The following IL17C variants were observed in gnomAD, a reference collection of about 807,000 sequenced individuals.
IL17C encodes the protein interleukin-17C.
A neutral mutation model predicts 11.0 loss-of-function variants in IL17C; 13 were observed. That is an observed-to-expected ratio of 1.18 (90% CI 0.77 to 1.88). IL17C has a LOEUF of 1.88. IL17C is among the 40% of genes most tolerant of loss of function. The pLI, the probability that IL17C is intolerant of heterozygous loss-of-function variation, is 0.00. For missense variants in IL17C, 357 were observed against 278.2 expected (o/e 1.28, Z -2.01); for synonymous variants, 150 against 125.8 (o/e 1.19, Z -1.29).
chr16:88,639,228 C>T lies in IL17C; in HGVS notation c.254C>T (p.Thr85Met), dbSNP rs757622636. Residue 85 changes from threonine (T) to methionine (M), a missense_variant, in exon 2 of 3, where the codon ACG becomes ATG. Thr to Met is a moderately conservative substitution (Grantham distance 81). Transcript: ENST00000244241. This position sits in a 1 kb window ranked among gnomAD's most constrained non-coding sequence, Gnocchi z 5.1. ...HRGRHERPSA[T>M]TQCPVLRPEE... is the part of the protein sequence containing the mutation. ...GGGAGGCACGAGAGGCCCTCAGCTA[C>T]GACCCAGTGCCCGGTGCTGCGGCCG... 133 of 1,612,428 alleles carry T rather than the reference C, an allele frequency of 8.2e-5. No homozygotes were observed. Among genetic ancestry groups the T allele is most frequent in the Non-Finnish European group, 1.1e-4 (126 of 1,179,792 alleles).
Position 88,639,683 on chromosome 16 carries a change from C to G in IL17C, c.336-131C>G. ...CACCACATGTGAGCCCGACTGCACCCCAAGCCCGTGTGGCTCAGCCCTCGC... is the reference window on the plus strand; with the variant it reads ...CACCACATGTGAGCCCGACTGCACCGCAAGCCCGTGTGGCTCAGCCCTCGC... On this transcript the variant is annotated intron_variant, in intron 2 of 2. Coordinates refer to ENST00000244241, the MANE Select transcript of IL17C (RefSeq NM_013278.4). This position sits in a 1 kb window ranked among gnomAD's most constrained non-coding sequence, Gnocchi z 5.1. The G allele has an allele frequency of 2.6e-6, 3 of 1,161,664 alleles. No homozygotes were observed. The highest frequency in any genetic ancestry group is 1.6e-5 in the South Asian group (1 of 60,978). The allele number at this position is 1,161,664 out of a possible 1,614,324, so 72.0% of individuals were successfully genotyped here. A position where few individuals can be genotyped will look rare whatever the true frequency, so the allele number is the denominator to read the frequency against.
chr16:88,639,729 G>C lies in IL17C; in HGVS notation c.336-85G>C. 7.0e-7 allele frequency: 1 copy of C among 1,424,016 alleles called. No homozygotes were observed. Among genetic ancestry groups the C allele is most frequent in the Non-Finnish European group, 9.3e-7 (1 of 1,079,784 alleles). The allele number at this position is 1,424,016 out of a possible 1,614,324, so 88.2% of individuals were successfully genotyped here. ...CTCGCTGCCTCAGGTCCTATCCTGAGTACACGGAGAGGGGCCCTGAGGGGA... is the reference window on the plus strand; with the variant it reads ...CTCGCTGCCTCAGGTCCTATCCTGACTACACGGAGAGGGGCCCTGAGGGGA... On this transcript the variant is annotated intron_variant, in intron 2 of 2. Coordinates refer to ENST00000244241, the MANE Select transcript of IL17C (RefSeq NM_013278.4). The surrounding 1 kb of genome is among the most constrained non-coding windows in gnomAD (Gnocchi z 5.1).
In IL17C at chr16:88,639,889, A is replaced by T; in HGVS notation, c.411A>T (p.Ala137=). Residue 137 remains alanine (A), a synonymous_variant, in exon 3 of 3, where the codon GCA becomes GCT. Transcript: ENST00000244241. This position sits in a 1 kb window ranked among gnomAD's most constrained non-coding sequence, Gnocchi z 5.1. ...AECLCRGCID[A]RTGRETAALN... is the part of the protein sequence containing the mutation. ...GCCTGTGCAGAGGCTGTATCGATGCACGGACGGGCCGCGAGACAGCTGCGC... is the reference window on the plus strand; with the variant it reads ...GCCTGTGCAGAGGCTGTATCGATGCTCGGACGGGCCGCGAGACAGCTGCGC... 1 of 1,608,322 alleles carries T rather than the reference A, an allele frequency of 6.2e-7. No individual in the cohort carries two copies. The highest frequency in any genetic ancestry group is 2.2e-5 in the East Asian group (1 of 44,736).
chr16:88,639,790 C>G lies in IL17C; in HGVS notation c.336-24C>G. 1 of 1,516,758 alleles carries G rather than the reference C, an allele frequency of 6.6e-7. No individual in the cohort carries two copies. Among genetic ancestry groups the G allele is most frequent in the Non-Finnish European group, 8.9e-7 (1 of 1,128,554 alleles). 94.0% of individuals were successfully genotyped at this position (1,516,758 alleles called of 1,614,324 possible). A position where few individuals can be genotyped will look rare whatever the true frequency, so the allele number is the denominator to read the frequency against. On this transcript the variant is annotated intron_variant, in intron 2 of 2. Transcript: ENST00000244241. The surrounding 1 kb of genome is among the most constrained non-coding windows in gnomAD (Gnocchi z 5.1). ...CAGGAGGACAGGGTAGGGCCAGAGA[C>G]TCACTGTGCACCCCGTCCCGCAGTG...
Position 88,639,830 on chromosome 16 carries a change from G to C in IL17C, c.352G>C (p.Asp118His). The C allele has an allele frequency of 6.4e-7, 1 of 1,573,316 alleles. No homozygotes were observed. The highest frequency in any genetic ancestry group is 8.6e-7 in the Non-Finnish European group (1 of 1,160,302). ...GTCCCGCAGTGTGGACACGGATGAG[G>C]ACCGCTATCCACAGAAGCTGGCCTT... ...PWRYRVDTDEDRYPQKLAFAE... is the reference protein window; with the variant it reads ...PWRYRVDTDEHRYPQKLAFAE... Residue 118 changes from aspartate to histidine, a missense_variant, in exon 3 of 3, where the codon GAC becomes CAC. By Grantham distance (81) the Asp-to-His change is moderately conservative (BLOSUM62 -1). Coordinates refer to ENST00000244241, the MANE Select transcript of IL17C (RefSeq NM_013278.4). The surrounding 1 kb of genome is among the most constrained non-coding windows in gnomAD (Gnocchi z 5.1).
At position 88,638,619 on chromosome 16, in the gene IL17C, C is replaced by T; in HGVS notation, c.-23C>T. The T allele has an allele frequency of 2.5e-6, 4 of 1,612,352 alleles. No homozygotes were observed. The highest frequency in any genetic ancestry group is 1.8e-4 in the Middle Eastern group (1 of 5,604). On this transcript the variant is annotated 5_prime_UTR_variant, in exon 1 of 3. Transcript: ENST00000244241. ...CCAGGTGTGCAGGCCGCTCCAAGCCCAGCCTGCCCCGCTGCCGCCACCATG... is the reference window on the plus strand; with the variant it reads ...CCAGGTGTGCAGGCCGCTCCAAGCCTAGCCTGCCCCGCTGCCGCCACCATG...
chr16:88,639,416 G>GCCAC lies in IL17C; in HGVS notation c.335+107_335+108insCCAC. 1 of 1,147,504 alleles carries GCCAC rather than the reference G, an allele frequency of 8.7e-7. No individual in the cohort carries two copies. Among genetic ancestry groups the GCCAC allele is most frequent in the Non-Finnish European group, 1.2e-6 (1 of 837,286 alleles). 71.1% of individuals were successfully genotyped at this position (1,147,504 alleles called of 1,614,324 possible). ...CTTGGTGGTTCTCACCTGTCAAGTG[G>GCCAC]GCGTGGCCACCTGAGCTCCCTCCCT... On this transcript the variant is annotated intron_variant, in intron 2 of 2. Transcript: ENST00000244241. The surrounding 1 kb of genome is among the most constrained non-coding windows in gnomAD (Gnocchi z 5.1).
chr16:88,639,149 G>A lies in IL17C; in HGVS notation c.175G>A (p.Gly59Arg), dbSNP rs767994930. The A allele has an allele frequency of 5.0e-6, 8 of 1,612,934 alleles. No homozygotes were observed. In the South Asian group the frequency reaches 7.7e-5, roughly 15 times the overall value. The change falls in exon 2 of 3, where the codon GGG becomes AGG. Residue 59 changes from glycine (G) to arginine (R), a missense_variant. Gly to Arg is a moderately radical substitution (Grantham distance 125). Transcript: ENST00000244241. This position sits in a 1 kb window ranked among gnomAD's most constrained non-coding sequence, Gnocchi z 5.1. ...CCTGCTGGCTCGAGGTGCCAAGTGG[G>A]GGCAGGCTTTGCCTGTAGCCCTGGT... is the stretch of plus-strand genomic sequence containing the variant. Reference protein sequence around the residue: ...PHLLARGAKWGQALPVALVSS... With the variant: ...PHLLARGAKWRQALPVALVSS...
Position 88,638,651 on chromosome 16 carries a change from A to G in IL17C, c.6+4A>G. 6.2e-7 allele frequency: 1 copy of G among 1,612,898 alleles called. No homozygotes were observed. Among genetic ancestry groups the G allele is most frequent in the Non-Finnish European group, 8.5e-7 (1 of 1,180,000 alleles). On this transcript the variant is annotated splice_donor_region_variant and intron_variant, in intron 1 of 2. Transcript: ENST00000244241. ...CCCCGCTGCCGCCACCATGACGGTG[A>G]GCCTCTCCACATGCCGCTCGGATGG...
At position 88,640,098 on chromosome 16, in the gene IL17C, C is replaced by G; in HGVS notation, c.*26C>G. The G allele has an allele frequency of 6.5e-7, 1 of 1,527,176 alleles. No individual in the cohort carries two copies. Among genetic ancestry groups the G allele is most frequent in the Middle Eastern group, 2.1e-4 (1 of 4,752 alleles). The allele number at this position is 1,527,176 out of a possible 1,614,324, so 94.6% of individuals were successfully genotyped here. A position where few individuals can be genotyped will look rare whatever the true frequency, so the allele number is the denominator to read the frequency against. ...CCGCCGAGGCCGTGGGGCCCCTAGA[C>G]TGGACACGTGTGCTCCCCAGAGGGC... On this transcript the variant is annotated 3_prime_UTR_variant, in exon 3 of 3. Coordinates refer to ENST00000244241, the MANE Select transcript of IL17C (RefSeq NM_013278.4).
chr16:88,639,057 C>T lies in IL17C; in HGVS notation c.83C>T (p.Pro28Leu), dbSNP rs370277999. ...CATGACCCCTCCCTCAGGGGGCACC[C>T]CCACAGTCACGGTACCCCACACTGC... ...AHHDPSLRGHPHSHGTPHCYS... is the reference protein window; with the variant it reads ...AHHDPSLRGHLHSHGTPHCYS... The change falls in exon 2 of 3, where the codon CCC becomes CTC. Residue 28 changes from proline (P) to leucine (L), a missense_variant. Pro to Leu is a moderately conservative substitution (Grantham distance 98, BLOSUM62 -3). Transcript: ENST00000244241. The surrounding 1 kb of genome is among the most constrained non-coding windows in gnomAD (Gnocchi z 5.1). 1.9e-6 allele frequency: 3 copies of T among 1,611,494 alleles called. No individual in the cohort carries two copies. The highest frequency in any genetic ancestry group is 1.1e-5 in the South Asian group (1 of 90,892).
chr16:88,640,126 C>T lies in IL17C; in HGVS notation c.*54C>T. 6.7e-7 allele frequency: 1 copy of T among 1,498,580 alleles called. No homozygotes were observed. Among genetic ancestry groups the T allele is most frequent in the Non-Finnish European group, 8.9e-7 (1 of 1,123,188 alleles). The allele number at this position is 1,498,580 out of a possible 1,614,324, so 92.8% of individuals were successfully genotyped here. A position where few individuals can be genotyped will look rare whatever the true frequency, so the allele number is the denominator to read the frequency against. On this transcript the variant is annotated 3_prime_UTR_variant, in exon 3 of 3. Transcript: ENST00000244241. ...GACACGTGTGCTCCCCAGAGGGCAC[C>T]CCCTATTTATGTGTATTTATTGTTA... is the stretch of plus-strand genomic sequence containing the variant.
chr16:88,639,235 G>A lies in IL17C; in HGVS notation c.261G>A (p.Gln87=), dbSNP rs765424209. ...ACGAGAGGCCCTCAGCTACGACCCA[G>A]TGCCCGGTGCTGCGGCCGGAGGAGG... ...GRHERPSATT[Q]CPVLRPEEVL... Residue 87 remains glutamine, a synonymous_variant, in exon 2 of 3, where the codon CAG becomes CAA. Coordinates refer to ENST00000244241, the MANE Select transcript of IL17C (RefSeq NM_013278.4). This position sits in a 1 kb window ranked among gnomAD's most constrained non-coding sequence, Gnocchi z 5.1. The A allele has an allele frequency of 5.0e-6, 8 of 1,612,418 alleles. No homozygotes were observed. The highest frequency in any genetic ancestry group is 1.3e-5 in the African/African-American group (1 of 74,936).
chr16:88,640,067 G>A lies in IL17C; in HGVS notation c.589G>A (p.Val197Met). The A allele has an allele frequency of 1.3e-6, 2 of 1,550,560 alleles. No homozygotes were observed. The highest frequency in any genetic ancestry group is 1.7e-6 in the Non-Finnish European group (2 of 1,146,028). ...VGCTCVLPRS[V>M] ...CTGCACCTGCGTGCTGCCCCGTTCA[G>A]TGTGACCGCCGAGGCCGTGGGGCCC... The change falls in exon 3 of 3, where the codon GTG (valine) becomes ATG (methionine). Residue 197 changes from valine to methionine, a missense_variant. Coordinates refer to ENST00000244241, the MANE Select transcript of IL17C (RefSeq NM_013278.4).
At position 88,639,113 on chromosome 16, in the gene IL17C, GC is replaced by G. The variant is rs773521874; in HGVS notation, c.146del (p.Pro49HisfsTer16). ...GGCTGAGGAACTGCCCCTCGGCCAG[GC>G]CCCCCCACACCTGCTGGCTCGAGGT... ...YSAEELPLGQ[A>X]PPHLLARGAK... On this transcript the variant is annotated frameshift_variant, in exon 2 of 3. Transcript: ENST00000244241. This position sits in a 1 kb window ranked among gnomAD's most constrained non-coding sequence, Gnocchi z 5.1. 2.5e-6 allele frequency: 4 copies of G among 1,612,838 alleles called. No homozygotes were observed. Among genetic ancestry groups the G allele is most frequent in the African/African-American group, 2.7e-5 (2 of 74,906 alleles).
At position 88,638,778 on chromosome 16, in the gene IL17C, A is replaced by G. The variant is rs973771243; in HGVS notation, c.6+131A>G. 7.1e-6 allele frequency: 10 copies of G among 1,411,488 alleles called. No individual in the cohort carries two copies. In the South Asian group the frequency reaches 1.2e-4, roughly 16 times the overall value. 87.4% of individuals were successfully genotyped at this position (1,411,488 alleles called of 1,614,324 possible). On this transcript the variant is annotated intron_variant, in intron 1 of 2. Coordinates refer to ENST00000244241, the MANE Select transcript of IL17C (RefSeq NM_013278.4). ...CTGGGAAACCCCTCAGTCTGGGGGT[A>G]GGGGAGGCAGCTGCAGATCCTCGGA...
rs982483788 is a variant in IL17C, at chr16:88,639,717, G to C, written c.336-97G>C. 1.4e-6 allele frequency: 2 copies of C among 1,391,230 alleles called. No individual in the cohort carries two copies. The highest frequency in any genetic ancestry group is 9.5e-7 in the Non-Finnish European group (1 of 1,055,970). The allele number at this position is 1,391,230 out of a possible 1,614,324, so 86.2% of individuals were successfully genotyped here. On this transcript the variant is annotated intron_variant, in intron 2 of 2. Coordinates refer to ENST00000244241, the MANE Select transcript of IL17C (RefSeq NM_013278.4). The surrounding 1 kb of genome is among the most constrained non-coding windows in gnomAD (Gnocchi z 5.1). Reference sequence around the variant, plus strand: ...TGTGGCTCAGCCCTCGCTGCCTCAGGTCCTATCCTGAGTACACGGAGAGGG... The same window carrying C: ...TGTGGCTCAGCCCTCGCTGCCTCAGCTCCTATCCTGAGTACACGGAGAGGG...
rs1166184267 is a variant in IL17C at position 88,639,463 on chromosome 16, G to C, written c.335+154G>C. Reference sequence around the variant, plus strand: ...CCCTCCGGCCCTCCTGACCTGGACGGCTGAGCTGCTGCTTGCGGCTGGCCG... The same window carrying C: ...CCCTCCGGCCCTCCTGACCTGGACGCCTGAGCTGCTGCTTGCGGCTGGCCG... On this transcript the variant is annotated intron_variant, in intron 2 of 2. Transcript: ENST00000244241. The surrounding 1 kb of genome is among the most constrained non-coding windows in gnomAD (Gnocchi z 5.1). 6.6e-6 allele frequency among the ~76,000 whole-genome samples: 1 copy of C among 152,200 alleles called. No individual in the cohort carries two copies. The highest frequency in any genetic ancestry group is 1.5e-5 in the Non-Finnish European group (1 of 68,026).
rs377368134 is a variant in IL17C, at chr16:88,639,031, C to G, written c.57C>G (p.His19Gln). The G allele has an allele frequency of 1.2e-6, 2 of 1,606,864 alleles. No individual in the cohort carries two copies. The highest frequency in any genetic ancestry group is 2.7e-5 in the African/African-American group (2 of 74,884). The change falls in exon 2 of 3, where the codon CAC becomes CAG. Residue 19 changes from histidine to glutamine, a missense_variant. By Grantham distance (24) the His-to-Gln change is conservative. Coordinates refer to ENST00000244241, the MANE Select transcript of IL17C (RefSeq NM_013278.4). This position sits in a 1 kb window ranked among gnomAD's most constrained non-coding sequence, Gnocchi z 5.1. ...CCTGGCTGCACACATGCCTGGCCCA[C>G]CATGACCCCTCCCTCAGGGGGCACC... ...FLTWLHTCLA[H>Q]HDPSLRGHPH...
Sources: allele counts gnomAD v4.1 joint callset (sites outside exome capture counted in the v4.1 genomes callset), GRCh38; gene constraint gnomAD v4.1.1; non-coding constraint Gnocchi (gnomAD v3.1); transcripts MANE v1.5; gene names NCBI Gene and HGNC (gene_info 2026-07-23, HGNC 2026-07-21).